Variants in ENDOD1 observed in about 807,000 individuals in gnomAD.
The protein encoded by ENDOD1 is endonuclease domain-containing 1 protein.
In ENDOD1, 9 loss-of-function variants were observed where a neutral mutation model predicts 6.5. That is an observed-to-expected ratio of 1.39 (90% confidence interval 0.84 to 2.43). The LOEUF (loss-of-function observed/expected upper bound fraction) is 2.43, where lower values mean the gene tolerates loss of function less well. Among genes scored for constraint, ENDOD1 ranks in the 30% most tolerant of loss-of-function variants. The probability of loss-of-function intolerance (pLI) is 0.00; values close to 1 mark genes in which losing one functional copy is unlikely to be tolerated. For missense variants in ENDOD1, 648 were observed against 635.5 expected, an observed-to-expected ratio of 1.02 and a Z score of -0.21; for synonymous variants, 255 against 255.2, an observed-to-expected ratio of 1.00 and a Z score of 0.01.
At chr11:95,119,205 T>C (rs1248854661) in intron 1 of ENDOD1, among the ~76,000 whole-genome samples, 3 of 152,238 alleles carry the variant, frequency 2.0e-5, no homozygotes, top group African/African-American at 7.2e-5. Context: ...CATGTTTTCC[T>C]GGATGGTCTT....
intron 1 of ENDOD1, among the ~76,000 whole-genome samples, chr11:95,112,520 C>T (rs557414714): frequency 3.9e-4 from 59 of 152,298 alleles, no homozygotes; most frequent in African/African-American, 1.1e-3. Flanking sequence ...TTGAAATTTT[C>T]GTCTGATCCC....
chr11:95,103,100 G>GGTGTGTGTGT (rs1200141222), intron 1 of ENDOD1, among the ~76,000 whole-genome samples: 19 of 85,552 alleles, frequency 2.2e-4, no homozygotes, highest in African/African-American at 4.8e-4. Flanking sequence ...AGGCAGAGTG[G>GGTGTGTGTGT]GTGTGTGTGT....
Position 95,110,583 on chromosome 11 carries a change from ATGTGTGTGTGTGTG to A in ENDOD1, c.301-17779_301-17766del, listed in dbSNP as rs35270641. On this transcript the variant is annotated intron_variant, in intron 1 of 1. Coordinates refer to ENST00000278505, the MANE Select transcript of ENDOD1 (RefSeq NM_015036.3). ...TGCTGACTTTCAAGTCCGTGTATGT[ATGTGTGTGTGTGTG>A]TGTGTGTGTGTGTGCTTTTTAAAGC... Among the ~76,000 whole-genome samples the A allele has an allele frequency of 1.6e-4, 24 of 147,784 alleles. No homozygotes were observed. The East Asian group carries it at 4.4e-3, about 27-fold the overall frequency.
intron 1 of ENDOD1, among the ~76,000 whole-genome samples, chr11:95,122,391 C>CT (rs539153720): frequency 0.01 from 1,368 of 134,802 alleles, 19 homozygotes; most frequent in African/African-American, 0.031. Context: ...CCTGGCTTTT[C>CT]TTTTTTTTTT....
chr11:95,112,898 G>A (rs1204239931), intron 1 of ENDOD1, among the ~76,000 whole-genome samples: 1 of 152,112 alleles, frequency 6.6e-6, no homozygotes, highest in Non-Finnish European at 1.5e-5. Flanking sequence ...TTATTGATGC[G>A]AAGGCCCATT....
At chr11:95,109,759 TCTC>T (rs1655523341) in intron 1 of ENDOD1, among the ~76,000 whole-genome samples, 1 of 152,172 alleles carries the variant, frequency 6.6e-6, no homozygotes, top group East Asian at 1.9e-4. Context: ...AATCCACCCT[TCTC>T]CTCCCCATCA....
At chr11:95,095,618 A>G (rs1488633916) in intron 1 of ENDOD1, among the ~76,000 whole-genome samples, 1 of 152,210 alleles carries the variant, frequency 6.6e-6, no homozygotes, top group African/African-American at 2.4e-5. Flanking sequence ...TTAGACTTAT[A>G]TCTGGACAAT....
At position 95,129,071 on chromosome 11, in the gene ENDOD1, T is replaced by C. The variant is rs1310932487; in HGVS notation, c.995T>C (p.Met332Thr). ...AGTAGTAGCTTTTTGGGAAAACTCA[T>C]GGGCTTCATTGCTACCCCATTCATC... is the stretch of plus-strand genomic sequence containing the variant. ...EGSSSFLGKLMGFIATPFIKL... is the reference protein window; with the variant it reads ...EGSSSFLGKLTGFIATPFIKL... The change falls in exon 2 of 2, where the codon ATG becomes ACG. Residue 332 changes from methionine (M) to threonine (T), a missense_variant. Physicochemically the swap from Met to Thr is moderately conservative, Grantham distance 81. Coordinates refer to ENST00000278505, the MANE Select transcript of ENDOD1 (RefSeq NM_015036.3). 4 of 1,613,986 alleles carry C rather than the reference T, an allele frequency of 2.5e-6. No individual in the cohort carries two copies. Among genetic ancestry groups the C allele is most frequent in the Middle Eastern group, 1.6e-4 (1 of 6,084 alleles).
chr11:95,110,030 G>C (rs1160963563), intron 1 of ENDOD1, among the ~76,000 whole-genome samples: 1 of 152,248 alleles, frequency 6.6e-6, no homozygotes, highest in African/African-American at 2.4e-5. Context: ...CCTCAGCAGA[G>C]CTGCCCTGCC....
At chr11:95,116,638 T>TTG (rs1859212198) in intron 1 of ENDOD1, among the ~76,000 whole-genome samples, 3 of 152,226 alleles carry the variant, frequency 2.0e-5, no homozygotes, top group Non-Finnish European at 2.9e-5. Context: ...TAGACTTCCC[T>TTG]CTTAGTATTG....
At chr11:95,103,100 GGTGTGT>G (rs1200141222) in intron 1 of ENDOD1, among the ~76,000 whole-genome samples, 39 of 85,548 alleles carry the variant, frequency 4.6e-4, no homozygotes, top group Middle Eastern at 5.9e-3. Context: ...AGGCAGAGTG[GGTGTGT>G]GTGTGTGTGT....
chr11:95,107,600 C>G lies in ENDOD1; in HGVS notation c.300+17373C>G, dbSNP rs200012027. ...TAACGTGGAAGGAAACCAAAGAAGA[C>G]CAGGGCTGATGTAACCTGAGAAGGT... On this transcript the variant is annotated intron_variant, in intron 1 of 1. Coordinates refer to ENST00000278505, the MANE Select transcript of ENDOD1 (RefSeq NM_015036.3). Among the ~76,000 whole-genome samples the G allele has an allele frequency of 7.2e-5, 11 of 152,220 alleles. No individual in the cohort carries two copies. In the East Asian group the frequency reaches 2.1e-3, roughly 29 times the overall value.
At chr11:95,121,072 A>C (rs1342806949) in intron 1 of ENDOD1, among the ~76,000 whole-genome samples, 1 of 152,188 alleles carries the variant, frequency 6.6e-6, no homozygotes, top group Non-Finnish European at 1.5e-5. Flanking sequence ...TTGCTCATTC[A>C]AGATTGGTTT....
intron 1 of ENDOD1, among the ~76,000 whole-genome samples, chr11:95,124,928 A>G (rs1052805142): frequency 1.3e-5 from 2 of 152,166 alleles, no homozygotes; most frequent in African/African-American, 4.8e-5. Flanking sequence ...CTGCTTAACA[A>G]CAGGACACTT....
intron 1 of ENDOD1, among the ~76,000 whole-genome samples, chr11:95,116,246 A>G (rs1423437193): frequency 6.6e-6 from 1 of 152,100 alleles, no homozygotes; most frequent in Non-Finnish European, 1.5e-5. Context: ...GAATTTGTCC[A>G]TTTCTTCCAG....
rs1485311992 is a variant in ENDOD1 at position 95,089,948 on chromosome 11, C to T, written c.21C>T (p.Leu7=). The T allele has an allele frequency of 6.2e-6, 9 of 1,463,376 alleles. No individual in the cohort carries two copies. The highest frequency in any genetic ancestry group is 4.0e-5 in the South Asian group (3 of 75,090). 90.6% of individuals were successfully genotyped at this position (1,463,376 alleles called of 1,614,324 possible). A position where few individuals can be genotyped will look rare whatever the true frequency, so the allele number is the denominator to read the frequency against. The change falls in exon 1 of 2, where the codon CTC becomes CTT. Residue 7 remains leucine, a synonymous_variant. Coordinates refer to ENST00000278505, the MANE Select transcript of ENDOD1 (RefSeq NM_015036.3). ...CCGCCATGGGCACCGCGCGCTGGCT[C>T]GCGCTGGGCAGCCTCTTCGCCCTGG... MGTARW[L]ALGSLFALAG... is the part of the protein sequence containing the mutation.
chr11:95,128,911 A>T lies in ENDOD1; in HGVS notation c.835A>T (p.Met279Leu). 6.2e-7 allele frequency: 1 copy of T among 1,614,130 alleles called. No individual in the cohort carries two copies. Among genetic ancestry groups the T allele is most frequent in the Non-Finnish European group, 8.5e-7 (1 of 1,180,022 alleles). ...TGAAACTGAGCAAGACACAGAGAAA[A>T]TGAAAAAAATCCTGGAAGTGGTTAA... ...CGETEQDTEK[M>L]KKILEVVNQI... The change falls in exon 2 of 2, where the codon ATG becomes TTG. Residue 279 changes from methionine to leucine, a missense_variant. Coordinates refer to ENST00000278505, the MANE Select transcript of ENDOD1 (RefSeq NM_015036.3).
intron 1 of ENDOD1, 52 bp from the exon 2 acceptor site, chr11:95,128,325 G>T (rs1859331173): frequency 6.4e-7 from 1 of 1,568,910 alleles, no homozygotes; most frequent in Admixed American, 1.8e-5. Flanking sequence ...TTCTAGTGCT[G>T]CCTCTGTGCT....
At position 95,128,846 on chromosome 11, in the gene ENDOD1, T is replaced by G. The variant is rs2134176378; in HGVS notation, c.770T>G (p.Leu257Arg). The G allele has an allele frequency of 1.2e-6, 2 of 1,614,206 alleles. No individual in the cohort carries two copies. Among genetic ancestry groups the G allele is most frequent in the East Asian group, 2.2e-5 (1 of 44,866 alleles). ...EDVMVKDLQK[L>R]LPFNPQLFQN... ...GTGATGGTAAAAGATCTTCAGAAAC[T>G]GCTTCCATTTAACCCTCAGCTGTTT... Residue 257 changes from leucine to arginine, a missense_variant, in exon 2 of 2, where the codon CTG becomes CGG. Leu to Arg is a moderately radical substitution (Grantham distance 102). Transcript: ENST00000278505.
Sources: gnomAD v4.1 joint callset for allele counts (sites outside exome capture counted in the v4.1 genomes callset) on GRCh38, gnomAD v4.1.1 for gene constraint, MANE v1.5 for transcripts, NCBI Gene and HGNC (gene_info 2026-07-23, HGNC 2026-07-21) for gene names.